Variants in PDE4D observed in about 807,000 individuals in gnomAD.
The protein encoded by PDE4D is phosphodiesterase 4D.
In PDE4D, 24 loss-of-function variants were observed where a neutral mutation model predicts 87.4. The ratio of observed to expected loss-of-function variants is 0.27; its 90% confidence interval spans 0.20 to 0.39. PDE4D has a LOEUF of 0.39. Ranked by LOEUF, PDE4D falls within the 10% of genes least tolerant of loss-of-function variation. The pLI is 1.00. For synonymous variants in PDE4D, 384 were observed against 383.2 expected, an observed-to-expected ratio of 1.00 and a Z score of -0.02; for missense variants, 714 against 1,041.0, an observed-to-expected ratio of 0.69 and a Z score of 4.32.
intron 1 of PDE4D, chr5:59,528,863 T>C (rs542823141): frequency 3.8e-5 from 11 of 290,688 alleles, no homozygotes; most frequent in African/African-American, 2.4e-4. Context: ...GTCACCAAAA[T>C]GTCATTCCCA....
intron 1 of PDE4D, among the ~76,000 whole-genome samples, chr5:59,409,780 T>A (rs547297748): frequency 1.3e-5 from 2 of 148,780 alleles, no homozygotes; most frequent in East Asian, 3.9e-4. Context: ...AGCAACGCAA[T>A]AATGGCCTAA....
At chr5:59,335,465 C>T (rs542346169) in intron 1 of PDE4D, among the ~76,000 whole-genome samples, 1 of 152,226 alleles carries the variant, frequency 6.6e-6, no homozygotes, top group African/African-American at 2.4e-5. Context: ...CAATCTTTGC[C>T]TCTAAAAATA....
At chr5:60,226,368 G>C (rs1275320761) in intron 1 of PDE4D, among the ~76,000 whole-genome samples, 1 of 152,008 alleles carries the variant, frequency 6.6e-6, no homozygotes, top group East Asian at 1.9e-4. Context: ...TAATATTACA[G>C]TGACAATCAA....
intron 1 of PDE4D, among the ~76,000 whole-genome samples, chr5:60,339,987 A>G (rs1180794660): frequency 1.3e-5 from 2 of 152,210 alleles, no homozygotes; most frequent in Non-Finnish European, 2.9e-5. Context: ...CCCTGCCCTA[A>G]AGGCCTCTGC....
At chr5:60,121,468 C>A (rs1317623265) in intron 2 of PDE4D, among the ~76,000 whole-genome samples, 1 of 152,072 alleles carries the variant, frequency 6.6e-6, no homozygotes, top group South Asian at 2.1e-4. Flanking sequence ...GGAGGCCTCA[C>A]AATCATGGCA....
At chr5:59,269,469 G>T (rs1485809486) in intron 1 of PDE4D, among the ~76,000 whole-genome samples, 2 of 152,096 alleles carry the variant, frequency 1.3e-5, no homozygotes, top group Admixed American at 1.3e-4. Flanking sequence ...TAAGGCAGAG[G>T]TATTTGAACT....
At chr5:60,165,936 G>A (rs1459734130) in intron 2 of PDE4D, among the ~76,000 whole-genome samples, 1 of 151,756 alleles carries the variant, frequency 6.6e-6, no homozygotes, top group Non-Finnish European at 1.5e-5. Context: ...TAGTTGTTTT[G>A]TAGAGTCTTT....
intron 1 of PDE4D, among the ~76,000 whole-genome samples, chr5:59,425,788 A>G (rs1392474090): frequency 6.6e-6 from 1 of 152,184 alleles, no homozygotes; most frequent in Admixed American, 6.5e-5. Flanking sequence ...CACTTTTATG[A>G]ACATGAAGCC....
At chr5:59,092,264 C>T (rs547262436) in intron 5 of PDE4D, among the ~76,000 whole-genome samples, 1 of 152,164 alleles carries the variant, frequency 6.6e-6, no homozygotes, top group Non-Finnish European at 1.5e-5. Flanking sequence ...GTTGTATACA[C>T]ACAGCTTCCA....
chr5:60,355,219 G>A (rs1027438147), intron 1 of PDE4D, among the ~76,000 whole-genome samples: 2 of 152,162 alleles, frequency 1.3e-5, no homozygotes, highest in Non-Finnish European at 2.9e-5. Context: ...CAAACCTAAG[G>A]AAGGTCACTG....
intron 1 of PDE4D, among the ~76,000 whole-genome samples, chr5:60,275,725 G>C (rs936798746): frequency 1.3e-5 from 2 of 151,874 alleles, no homozygotes; most frequent in Middle Eastern, 3.4e-3. Context: ...TAAAAGTTTA[G>C]GTTATTGATG....
At position 59,529,264 on chromosome 5, in the gene PDE4D, T is replaced by C. The variant is rs151081456; in HGVS notation, c.456-313296A>G. On this transcript the variant is annotated intron_variant, in intron 1 of 14. Coordinates refer to ENST00000340635, the MANE Select transcript of PDE4D (RefSeq NM_001104631.2). ...TAACATCTCATATTAAGTCTGGCAA[T>C]GATGACTATAAGGATCTTGCTTAAA... 8.5e-3 allele frequency: 3,835 copies of C among 451,544 alleles called. 44 individuals are homozygous for C. The highest frequency in any genetic ancestry group is 0.01 in the Non-Finnish European group (2,338 of 227,550). 28.0% of individuals were successfully genotyped at this position (451,544 alleles called of 1,614,324 possible).
intron 1 of PDE4D, among the ~76,000 whole-genome samples, chr5:59,874,860 T>C (rs1748325104): frequency 6.6e-6 from 1 of 152,172 alleles, no homozygotes; most frequent in South Asian, 2.1e-4. Context: ...CCTGAGGCTA[T>C]AATTATTTTT....
At chr5:59,157,151 T>C (rs946726629) in intron 5 of PDE4D, 1 of 579,050 alleles carries the variant, frequency 1.7e-6, no homozygotes, top group Non-Finnish European at 3.1e-6. Context: ...TACATTTCCA[T>C]TGCTTCACAA....
At chr5:59,128,262 C>T (rs1043348757) in intron 5 of PDE4D, among the ~76,000 whole-genome samples, 2 of 144,692 alleles carry the variant, frequency 1.4e-5, no homozygotes, top group Non-Finnish European at 3.0e-5. Context: ...CAGCATGCAC[C>T]TCCTCTCCTT....
intron 1 of PDE4D, among the ~76,000 whole-genome samples, chr5:59,635,258 C>T (rs1832086072): frequency 6.6e-6 from 1 of 152,042 alleles, no homozygotes; most frequent in East Asian, 1.9e-4. Context: ...AACTTACCAA[C>T]CAAAAAAAGC....
At chr5:59,842,396 T>C (rs1393401188) in intron 1 of PDE4D, among the ~76,000 whole-genome samples, 2 of 152,050 alleles carry the variant, frequency 1.3e-5, no homozygotes, top group Non-Finnish European at 2.9e-5. Flanking sequence ...TTCCTAAATC[T>C]ACTGCCCTAG....
At chr5:59,998,232 C>T (rs552277518) in intron 2 of PDE4D, among the ~76,000 whole-genome samples, 2 of 152,198 alleles carry the variant, frequency 1.3e-5, no homozygotes, top group Admixed American at 6.5e-5. Flanking sequence ...CTAACAAATT[C>T]AGTAACCCAA....
chr5:59,031,230 T>G (rs1757332954), intron 6 of PDE4D, among the ~76,000 whole-genome samples: 1 of 151,768 alleles, frequency 6.6e-6, no homozygotes, highest in South Asian at 2.1e-4. Context: ...TACTTCTAGG[T>G]ATACACCCAA....
Sources: gnomAD v4.1 joint callset for allele counts (sites outside exome capture counted in the v4.1 genomes callset) on GRCh38, gnomAD v4.1.1 for gene constraint, MANE v1.5 for transcripts, NCBI Gene and HGNC (gene_info 2026-07-23, HGNC 2026-07-21) for gene names.